The following RNF217 variants were observed in gnomAD, a reference collection of about 807,000 sequenced individuals.
The protein encoded by RNF217 is ring finger protein 217.
In RNF217, 31 loss-of-function variants were observed where a neutral mutation model predicts 57.8. That is an observed-to-expected ratio of 0.54 (90% CI 0.40 to 0.72). The LOEUF (loss-of-function observed/expected upper bound fraction) is 0.72, where lower values mean the gene tolerates loss of function less well. Among genes scored for constraint, RNF217 ranks in the 30% least tolerant of loss-of-function variants. RNF217 has a pLI of 0.00. For missense variants in RNF217, 696 were observed against 708.3 expected (o/e 0.98, Z 0.20); for synonymous variants, 313 against 294.0 (o/e 1.06, Z -0.66).
At position 124,990,354 on chromosome 6, in the gene RNF217, C is replaced by T. The variant is rs934053249; in HGVS notation, c.882+26928C>T. On this transcript the variant is annotated intron_variant, in intron 1 of 5. Coordinates refer to ENST00000521654, the MANE Select transcript of RNF217 (RefSeq NM_001286398.3). Reference sequence around the variant, plus strand: ...GCCACTGGCTTTCTAATTTATATCCCGAGCTCAGACAGTTTCATGGAACTC... The same window carrying T: ...GCCACTGGCTTTCTAATTTATATCCTGAGCTCAGACAGTTTCATGGAACTC... Among the ~76,000 whole-genome samples, 5 of 152,178 alleles carry T rather than the reference C, an allele frequency of 3.3e-5. No individual in the cohort carries two copies. In the East Asian group the frequency reaches 5.8e-4, roughly 18 times the overall value.
At chr6:124,979,115 C>T (rs535172916) in intron 1 of RNF217, among the ~76,000 whole-genome samples, 28 of 152,254 alleles carry the variant, frequency 1.8e-4, no homozygotes, top group Admixed American at 1.5e-3. Context: ...CTGGCAGTTT[C>T]GTTTTCAGGC....
Position 125,065,540 on chromosome 6 carries a change from C to T in RNF217, c.1281+7434C>T, listed in dbSNP as rs539404787. 1.9e-4 allele frequency among the ~76,000 whole-genome samples: 29 copies of T among 152,188 alleles called. 1 individual carries two copies. In the South Asian group the frequency reaches 5.6e-3, roughly 29 times the overall value. ...CTCCAGCAACAACTAAATTCTGAAG[C>T]GTCTCCTGGGGCATGAGAGCACCTG... On this transcript the variant is annotated intron_variant, in intron 3 of 5. Coordinates refer to ENST00000521654, the MANE Select transcript of RNF217 (RefSeq NM_001286398.3).
chr6:124,982,517 A>G (rs1045904165), intron 1 of RNF217, among the ~76,000 whole-genome samples: 2 of 152,086 alleles, frequency 1.3e-5, no homozygotes, highest in Admixed American at 1.3e-4. Context: ...CTGTAGTCTA[A>G]TCCCCACCCC....
intron 3 of RNF217, among the ~76,000 whole-genome samples, chr6:125,072,523 T>C (rs1309056831): frequency 1.3e-5 from 2 of 152,190 alleles, no homozygotes; most frequent in Admixed American, 1.3e-4. Context: ...AGAGAAAGGC[T>C]AGAAAGTGCA....
rs1582790083 is a variant in RNF217, at chr6:125,084,730, G to A, written c.*1793G>A. On this transcript the variant is annotated 3_prime_UTR_variant, in exon 6 of 6. Coordinates refer to ENST00000521654, the MANE Select transcript of RNF217 (RefSeq NM_001286398.3). ...TCTATTTCCAGTTAGAGGAGTGTGT[G>A]ACATTTATGGTTTGGGAATAGCATA... The A allele has an allele frequency of 6.6e-6, 1 of 151,878 alleles. No individual in the cohort carries two copies. The highest frequency in any genetic ancestry group is 1.5e-5 in the Non-Finnish European group (1 of 67,862). 9.4% of individuals were successfully genotyped at this position (151,878 alleles called of 1,614,324 possible).
At chr6:125,057,579 A>G (rs1375419803) in intron 2 of RNF217, among the ~76,000 whole-genome samples, 1 of 152,196 alleles carries the variant, frequency 6.6e-6, no homozygotes, top group Non-Finnish European at 1.5e-5. Flanking sequence ...TGGCTGGGTA[A>G]TTCGTTCAAA....
intron 1 of RNF217, among the ~76,000 whole-genome samples, chr6:125,017,417 C>T (rs904781171): frequency 6.6e-6 from 1 of 152,176 alleles, no homozygotes; most frequent in African/African-American, 2.4e-5. Flanking sequence ...GCTGTTCCTT[C>T]TCCATCTTTG....
At chr6:125,058,413 A>C (rs770095195) in intron 3 of RNF217, among the ~76,000 whole-genome samples, 1 of 152,180 alleles carries the variant, frequency 6.6e-6, no homozygotes, top group African/African-American at 2.4e-5. Flanking sequence ...ATAGCGTAAA[A>C]GTGATATAAA....
chr6:125,056,544 C>G (rs1338968737), intron 2 of RNF217, among the ~76,000 whole-genome samples: 1 of 152,116 alleles, frequency 6.6e-6, no homozygotes, highest in Non-Finnish European at 1.5e-5. Flanking sequence ...GTGAAAATTA[C>G]AGTGCTTTGA....
At chr6:125,068,588 G>A (rs1429362654) in intron 3 of RNF217, among the ~76,000 whole-genome samples, 1 of 152,114 alleles carries the variant, frequency 6.6e-6, no homozygotes. Flanking sequence ...CTTTATCAGT[G>A]AGAAAATATT....
At chr6:125,030,469 A>G (rs1222403752) in intron 1 of RNF217, among the ~76,000 whole-genome samples, 5 of 152,242 alleles carry the variant, frequency 3.3e-5, no homozygotes, top group African/African-American at 1.2e-4. Context: ...CCTAGATACA[A>G]TGGGAATACA....
intron 1 of RNF217, among the ~76,000 whole-genome samples, chr6:125,005,917 T>C (rs1785161366): frequency 6.6e-6 from 1 of 152,220 alleles, no homozygotes; most frequent in Non-Finnish European, 1.5e-5. Context: ...TATTTAAAAT[T>C]CAGATAAAAA....
At chr6:125,021,558 C>T (rs1213603158) in intron 1 of RNF217, among the ~76,000 whole-genome samples, 1 of 152,118 alleles carries the variant, frequency 6.6e-6, no homozygotes, top group East Asian at 1.9e-4. Flanking sequence ...AGCCACTGCA[C>T]CCGGCCAGAA....
chr6:125,006,123 C>G (rs956768646), intron 1 of RNF217: 2 of 152,154 alleles, frequency 1.3e-5, no homozygotes, highest in Admixed American at 1.3e-4. Context: ...GGAACTCCTG[C>G]CTTTTTGGAG....
At chr6:125,055,547 T>G (rs1289845009) in intron 2 of RNF217, among the ~76,000 whole-genome samples, 1 of 152,178 alleles carries the variant, frequency 6.6e-6, no homozygotes, top group African/African-American at 2.4e-5. Flanking sequence ...GAATCCGAGT[T>G]TCAAAGCATC....
intron 1 of RNF217, among the ~76,000 whole-genome samples, chr6:124,971,951 A>G (rs532882561): frequency 6.6e-6 from 1 of 152,286 alleles, no homozygotes; most frequent in East Asian, 1.9e-4. Flanking sequence ...GTTTCAAGTA[A>G]CACCTACCTG....
chr6:125,048,410 GA>G (rs961574480), intron 2 of RNF217, among the ~76,000 whole-genome samples: 4 of 150,318 alleles, frequency 2.7e-5, no homozygotes, highest in South Asian at 2.1e-4. Flanking sequence ...AACAGAAATA[GA>G]AAAAAAAAGG....
chr6:125,031,054 T>C (rs1010366178), intron 1 of RNF217, among the ~76,000 whole-genome samples: 1 of 152,208 alleles, frequency 6.6e-6, no homozygotes, highest in Non-Finnish European at 1.5e-5. Flanking sequence ...ATGGAAGCTG[T>C]CAAGGTTTGG....
At chr6:125,022,532 G>A (rs1408818752) in intron 1 of RNF217, among the ~76,000 whole-genome samples, 1 of 152,200 alleles carries the variant, frequency 6.6e-6, no homozygotes, top group Non-Finnish European at 1.5e-5. Context: ...GAGTGCAACA[G>A]CTGAACTGCA....
Sources: allele counts gnomAD v4.1 joint callset (sites outside exome capture counted in the v4.1 genomes callset), GRCh38; gene constraint gnomAD v4.1.1; transcripts MANE v1.5; gene names NCBI Gene and HGNC (gene_info 2026-07-23, HGNC 2026-07-21).